The following KCNAB1 variants were observed in gnomAD, a reference collection of about 807,000 sequenced individuals.
The protein encoded by KCNAB1 is voltage-gated potassium channel subunit beta-1.
In KCNAB1, 35 loss-of-function variants were observed where a neutral mutation model predicts 64.6. That is an observed-to-expected ratio of 0.54 (90% CI 0.41 to 0.72). The LOEUF is 0.72. Ranked by LOEUF, KCNAB1 falls within the 30% of genes least tolerant of loss-of-function variation. The pLI, the probability that KCNAB1 is intolerant of heterozygous loss-of-function variation, is 0.00. For missense variants in KCNAB1, 401 were observed against 512.9 expected, an observed-to-expected ratio of 0.78 and a Z score of 2.11; for synonymous variants, 177 against 183.8, an observed-to-expected ratio of 0.96 and a Z score of 0.30.
chr3:156,360,447 T>C (rs1380334101), intron 1 of KCNAB1, among the ~76,000 whole-genome samples: 1 of 152,204 alleles, frequency 6.6e-6, no homozygotes, highest in East Asian at 1.9e-4. Context: ...CACTGGCTCA[T>C]GCCTATAATC....
intron 2 of KCNAB1, among the ~76,000 whole-genome samples, chr3:156,440,109 C>T (rs1716888223): frequency 6.6e-6 from 1 of 152,224 alleles, no homozygotes; most frequent in African/African-American, 2.4e-5. Context: ...ATTTCATAAG[C>T]ACATCCTCTA....
At chr3:156,451,445 C>G (rs1209976980) in intron 2 of KCNAB1, among the ~76,000 whole-genome samples, 2 of 152,062 alleles carry the variant, frequency 1.3e-5, no homozygotes, top group Non-Finnish European at 2.9e-5. Context: ...AAAAAGGATA[C>G]CCTTCTTGAA....
intron 1 of KCNAB1, among the ~76,000 whole-genome samples, chr3:156,172,666 C>G (rs552101520): frequency 6.6e-6 from 1 of 152,264 alleles, no homozygotes; most frequent in African/African-American, 2.4e-5. Flanking sequence ...CAAGTGGCCA[C>G]TGAGAGTAGA....
chr3:156,307,199 A>C (rs1218304202), intron 1 of KCNAB1, among the ~76,000 whole-genome samples: 5 of 152,166 alleles, frequency 3.3e-5, no homozygotes, highest in Admixed American at 3.3e-4. Flanking sequence ...CAAGATAGAA[A>C]CCAGCCAGCC....
chr3:156,409,029 G>A (rs1714452186), intron 1 of KCNAB1, among the ~76,000 whole-genome samples: 1 of 152,172 alleles, frequency 6.6e-6, no homozygotes, highest in South Asian at 2.1e-4. Flanking sequence ...CGTAATTGGA[G>A]TTGTGACTCC....
chr3:156,322,008 A>G (rs887841188), intron 1 of KCNAB1, among the ~76,000 whole-genome samples: 7 of 152,234 alleles, frequency 4.6e-5, no homozygotes, highest in South Asian at 2.1e-4. Flanking sequence ...GGAACAAACT[A>G]TGGTTACTTC....
At chr3:156,241,229 T>C (rs953753430) in intron 1 of KCNAB1, among the ~76,000 whole-genome samples, 3 of 152,256 alleles carry the variant, frequency 2.0e-5, no homozygotes, top group Admixed American at 2.0e-4. Flanking sequence ...TTTGTTTCTT[T>C]CCTGAAATTA....
intron 1 of KCNAB1, among the ~76,000 whole-genome samples, chr3:156,263,956 A>G (rs1054035305): frequency 3.3e-5 from 5 of 152,048 alleles, no homozygotes; most frequent in African/African-American, 7.2e-5. Flanking sequence ...TATTCTTGCA[A>G]TTTTGCAGGG....
intron 2 of KCNAB1, among the ~76,000 whole-genome samples, chr3:156,436,314 C>A (rs1010045345): frequency 6.6e-6 from 1 of 152,148 alleles, no homozygotes; most frequent in East Asian, 1.9e-4. Context: ...TCCAGTCTAT[C>A]GTTGATGGGC....
chr3:156,449,851 C>A (rs1711861538), intron 2 of KCNAB1, among the ~76,000 whole-genome samples: 1 of 151,994 alleles, frequency 6.6e-6, no homozygotes, highest in South Asian at 2.1e-4. Context: ...GTGACTGTAC[C>A]TATAGAAAAA....
chr3:156,185,164 T>C (rs1035579114), intron 1 of KCNAB1, among the ~76,000 whole-genome samples: 1 of 152,196 alleles, frequency 6.6e-6, no homozygotes, highest in Non-Finnish European at 1.5e-5. Flanking sequence ...GTGACCTTCA[T>C]TGACACTCCA....
chr3:156,324,906 G>A (rs2108032497), intron 1 of KCNAB1, among the ~76,000 whole-genome samples: 1 of 152,170 alleles, frequency 6.6e-6, no homozygotes, highest in East Asian at 1.9e-4. Flanking sequence ...AGAATCATAG[G>A]TTTTCTTCAA....
chr3:156,478,154 C>G (rs1714511621), intron 8 of KCNAB1, among the ~76,000 whole-genome samples: 1 of 150,574 alleles, frequency 6.6e-6, no homozygotes, highest in African/African-American at 2.4e-5. Flanking sequence ...GTTGTCCAAC[C>G]TTTTTTTTTC....
intron 1 of KCNAB1, among the ~76,000 whole-genome samples, chr3:156,267,222 G>C (rs924606944): frequency 6.6e-6 from 1 of 152,094 alleles, no homozygotes; most frequent in Non-Finnish European, 1.5e-5. Flanking sequence ...TCAGCTCATA[G>C]TGCATAGTGA....
At chr3:156,504,465 T>C (rs1330908017) in intron 8 of KCNAB1, among the ~76,000 whole-genome samples, 2 of 152,194 alleles carry the variant, frequency 1.3e-5, no homozygotes, top group Non-Finnish European at 2.9e-5. Flanking sequence ...GTTCTAATTC[T>C]AGTTTTTTGA....
At chr3:156,165,150 C>T (rs1336860469) in intron 1 of KCNAB1, among the ~76,000 whole-genome samples, 2 of 149,888 alleles carry the variant, frequency 1.3e-5, no homozygotes, top group South Asian at 4.2e-4. Context: ...TAGTGGCGGG[C>T]GCCTGTAGTC....
chr3:156,119,629 T>C (rs574036926), upstream of KCNAB1, among the ~76,000 whole-genome samples: 3 of 152,260 alleles, frequency 2.0e-5, no homozygotes, highest in South Asian at 4.1e-4. Context: ...TTAAGTTGAT[T>C]GAGGGGGAGG....
chr3:156,361,472 G>C (rs553492863), intron 1 of KCNAB1, among the ~76,000 whole-genome samples: 50 of 152,066 alleles, frequency 3.3e-4, no homozygotes, highest in Non-Finnish European at 6.0e-4. Flanking sequence ...GTATATATGT[G>C]TATGTGTGTG....
intron 1 of KCNAB1, among the ~76,000 whole-genome samples, chr3:156,130,907 T>C (rs1713956977): frequency 6.6e-6 from 1 of 152,246 alleles, no homozygotes; most frequent in African/African-American, 2.4e-5. Context: ...TGGATTTTTA[T>C]GTTTCCTCAG....
Sources: allele counts gnomAD v4.1 joint callset (sites outside exome capture counted in the v4.1 genomes callset), GRCh38; gene constraint gnomAD v4.1.1; transcripts MANE v1.5; gene names NCBI Gene and HGNC (gene_info 2026-07-23, HGNC 2026-07-21).